Variants in WWC2 observed in about 807,000 individuals in gnomAD.
WWC2 encodes the protein protein WWC2.
In WWC2, 101 loss-of-function variants were observed where a neutral mutation model predicts 138.5. The ratio of observed to expected loss-of-function variants is 0.73; its 90% CI spans 0.62 to 0.86. The LOEUF is 0.86. Among genes scored for constraint, WWC2 ranks in the 40% least tolerant of loss-of-function variants. WWC2 has a pLI of 0.00. For missense variants in WWC2, 1,420 were observed against 1,419.4 expected (o/e 1.00, Z -0.01); for synonymous variants, 558 against 538.4 (o/e 1.04, Z -0.50).
At chr4:183,247,639 CTATA>C (rs1248339694) in intron 6 of WWC2, among the ~76,000 whole-genome samples, 16 of 134,206 alleles carry the variant, frequency 1.2e-4, no homozygotes, top group African/African-American at 3.9e-4. Flanking sequence ...ACTATATATA[CTATA>C]TATACTATAT....
intron 7 of WWC2, among the ~76,000 whole-genome samples, chr4:183,249,506 A>G (rs994243545): frequency 6.6e-5 from 10 of 152,138 alleles, no homozygotes; most frequent in Non-Finnish European, 1.5e-4. Context: ...TAATTTTTGA[A>G]CTTATTTAGT....
intron 14 of WWC2, among the ~76,000 whole-genome samples, chr4:183,267,481 G>C (rs909892760): frequency 2.0e-5 from 3 of 152,232 alleles, no homozygotes; most frequent in Non-Finnish European, 4.4e-5. Flanking sequence ...TCATGGAGAA[G>C]ACAAGTCTAC....
intron 1 of WWC2, among the ~76,000 whole-genome samples, chr4:183,126,508 T>C (rs1579963467): frequency 6.6e-6 from 1 of 152,158 alleles, no homozygotes; most frequent in East Asian, 1.9e-4. Context: ...ACTGTTGTCA[T>C]TTTTGTGGCA....
chr4:183,188,107 C>T (rs1321961438), intron 1 of WWC2, among the ~76,000 whole-genome samples: 1 of 152,148 alleles, frequency 6.6e-6, no homozygotes, highest in Non-Finnish European at 1.5e-5. Flanking sequence ...TTGCCAGACA[C>T]CCAAAAGGGC....
chr4:183,305,135 G>A (rs895938603), intron 21 of WWC2, among the ~76,000 whole-genome samples: 2 of 152,074 alleles, frequency 1.3e-5, no homozygotes, highest in African/African-American at 2.4e-5. Flanking sequence ...ATGGACTCAC[G>A]GGCACACTGG....
intron 9 of WWC2, among the ~76,000 whole-genome samples, chr4:183,258,483 T>C (rs1187320962): frequency 4.6e-5 from 7 of 152,212 alleles, no homozygotes; most frequent in Non-Finnish European, 1.0e-4. Context: ...CAAAAACATA[T>C]ATAACATTTC....
chr4:183,141,006 T>C (rs1380498040), intron 1 of WWC2, among the ~76,000 whole-genome samples: 2 of 152,206 alleles, frequency 1.3e-5, no homozygotes, highest in African/African-American at 4.8e-5. Flanking sequence ...TGAATAAGTG[T>C]AGCACAGGGT....
Position 183,319,423 on chromosome 4 carries a change from ATAGTT to A in WWC2, c.*3697_*3701del, listed in dbSNP as rs1014986815. The A allele has an allele frequency of 8.1e-6, 8 of 982,010 alleles. No homozygotes were observed. In the African/African-American group the frequency reaches 1.1e-4, roughly 14 times the overall value. The allele number at this position is 982,010 out of a possible 1,614,324, so 60.8% of individuals were successfully genotyped here. On this transcript the variant is annotated 3_prime_UTR_variant, in exon 23 of 23. Coordinates refer to ENST00000403733, the MANE Select transcript of WWC2 (RefSeq NM_024949.6). ...GGTTTACCAGTCTTGGAAAGAAACT[ATAGTT>A]TAATAGCCACAGGAAAAGATGCATT...
In WWC2 at chr4:183,319,683, C is replaced by T. The variant is rs770294528; in HGVS notation, c.*3954C>T. 2 of 1,614,114 alleles carry T rather than the reference C, an allele frequency of 1.2e-6. No individual in the cohort carries two copies. The highest frequency in any genetic ancestry group is 2.2e-5 in the South Asian group (2 of 91,080). Reference sequence around the variant, plus strand: ...GGCTGCACAGTGGAGCAGACACCCTCCTAGCAGAAGAGAAAGTCCAGCAAA... The same window carrying T: ...GGCTGCACAGTGGAGCAGACACCCTTCTAGCAGAAGAGAAAGTCCAGCAAA... On this transcript the variant is annotated 3_prime_UTR_variant, in exon 23 of 23. Coordinates refer to ENST00000403733, the MANE Select transcript of WWC2 (RefSeq NM_024949.6).
chr4:183,319,447 A>T lies in WWC2; in HGVS notation c.*3718A>T. On this transcript the variant is annotated 3_prime_UTR_variant, in exon 23 of 23. Coordinates refer to ENST00000403733, the MANE Select transcript of WWC2 (RefSeq NM_024949.6). ...TATAGTTTAATAGCCACAGGAAAAGATGCATTTTCAAAAATCAAAAGCACA... is the reference window on the plus strand; with the variant it reads ...TATAGTTTAATAGCCACAGGAAAAGTTGCATTTTCAAAAATCAAAAGCACA... The T allele has an allele frequency of 6.1e-6, 7 of 1,143,808 alleles. No homozygotes were observed. Among genetic ancestry groups the T allele is most frequent in the Non-Finnish European group, 8.7e-6 (7 of 800,902 alleles). 70.9% of individuals were successfully genotyped at this position (1,143,808 alleles called of 1,614,324 possible).
chr4:183,307,346 A>G (rs189712116), intron 21 of WWC2, among the ~76,000 whole-genome samples: 1 of 152,366 alleles, frequency 6.6e-6, no homozygotes, highest in Non-Finnish European at 1.5e-5. Flanking sequence ...AGTCTGTCAC[A>G]GTGCCTGGCC....
intron 21 of WWC2, among the ~76,000 whole-genome samples, chr4:183,312,125 G>A (rs920822822): frequency 4.6e-5 from 7 of 152,140 alleles, no homozygotes; most frequent in African/African-American, 1.7e-4. Context: ...TCTAAAATGT[G>A]ATTAAAATGA....
intron 1 of WWC2, among the ~76,000 whole-genome samples, chr4:183,150,909 G>A (rs1380814339): frequency 1.3e-5 from 2 of 152,086 alleles, no homozygotes; most frequent in Admixed American, 1.3e-4. Flanking sequence ...TGGTGTATAT[G>A]TGCCACATTT....
At chr4:183,278,953 A>G (rs997709887) in intron 16 of WWC2, among the ~76,000 whole-genome samples, 5 of 151,412 alleles carry the variant, frequency 3.3e-5, no homozygotes, top group African/African-American at 1.2e-4. Flanking sequence ...CTCTTTTCCT[A>G]ATTGAATACC....
At chr4:183,117,904 G>A (rs1025370399) in intron 1 of WWC2, among the ~76,000 whole-genome samples, 2 of 151,958 alleles carry the variant, frequency 1.3e-5, no homozygotes, top group Non-Finnish European at 1.5e-5. Context: ...GGGTTCAAGC[G>A]ATTCTCCTGC....
chr4:183,184,581 T>C (rs574145600), intron 1 of WWC2, among the ~76,000 whole-genome samples: 5 of 152,324 alleles, frequency 3.3e-5, no homozygotes, highest in African/African-American at 9.6e-5. Flanking sequence ...GCTGCACCAT[T>C]TTACGTTGCC....
chr4:183,269,263 C>A, intron 15 of WWC2, 100 bp downstream of exon 15: 2 of 1,143,882 alleles, frequency 1.7e-6, no homozygotes, highest in Non-Finnish European at 2.5e-6. Context: ...GAAATCACTA[C>A]AGACCTGCCC....
chr4:183,125,628 A>G (rs1384467313), intron 1 of WWC2, among the ~76,000 whole-genome samples: 2 of 152,192 alleles, frequency 1.3e-5, no homozygotes, highest in Non-Finnish European at 2.9e-5. Context: ...GTCCCCATAT[A>G]ACATTAAGCC....
chr4:183,141,669 G>A (rs906612358), intron 1 of WWC2, among the ~76,000 whole-genome samples: 11 of 152,062 alleles, frequency 7.2e-5, no homozygotes, highest in Admixed American at 1.3e-4. Context: ...TGTAGGTGCC[G>A]GTGTGTTGCA....
Sources: allele counts gnomAD v4.1 joint callset (sites outside exome capture counted in the v4.1 genomes callset), GRCh38; gene constraint gnomAD v4.1.1; transcripts MANE v1.5; gene names NCBI Gene and HGNC (gene_info 2026-07-23, HGNC 2026-07-21).